DCC: variants seen among roughly 807,000 people sequenced by gnomAD.
DCC encodes netrin receptor DCC.
In DCC, 58 loss-of-function variants were observed where a neutral mutation model predicts 172.5. That is an observed-to-expected ratio of 0.34 (90% CI 0.27 to 0.42). The LOEUF (loss-of-function observed/expected upper bound fraction) is 0.42. Among genes scored for constraint, DCC ranks in the 10% least tolerant of loss-of-function variants. The pLI, the probability that DCC is intolerant of heterozygous loss-of-function variation, is 1.00. For missense variants in DCC, 1,740 were observed against 1,791.0 expected, an observed-to-expected ratio of 0.97 and a Z score of 0.51; for synonymous variants, 709 against 644.5, an observed-to-expected ratio of 1.10 and a Z score of -1.52.
Position 53,532,047 on chromosome 18 carries a change from T to C in DCC, c.*1394T>C, listed in dbSNP as rs912753649. The C allele has an allele frequency of 2.6e-5, 4 of 152,202 alleles. No individual in the cohort carries two copies. Among genetic ancestry groups the C allele is most frequent in the African/African-American group, 9.6e-5 (4 of 41,460 alleles). The allele number at this position is 152,202 out of a possible 1,614,324, so 9.4% of individuals were successfully genotyped here. ...TTCAGCTGCATTTGGAGTTAATCCCTGTTTATGCAGCTGAATCGCCAAAAG... is the reference window on the plus strand; with the variant it reads ...TTCAGCTGCATTTGGAGTTAATCCCCGTTTATGCAGCTGAATCGCCAAAAG... On this transcript the variant is annotated 3_prime_UTR_variant, in exon 29 of 29. Transcript: ENST00000442544.
Position 53,500,156 on chromosome 18 carries a change from T to C in DCC, c.4111+646T>C, listed in dbSNP as rs569076075. Among the ~76,000 whole-genome samples the C allele has an allele frequency of 1.4e-4, 21 of 152,316 alleles. 1 individual carries two copies. The highest frequency in any genetic ancestry group is 3.4e-3 in the Middle Eastern group (1 of 294). On this transcript the variant is annotated intron_variant, in intron 27 of 28. Transcript: ENST00000442544. ...CAGATTCCCAATGCAGTATTGATTT[T>C]ATTACTTCAGCTAGTATCCAAATTG...
At chr18:53,346,713 A>G (rs1032224951) in intron 15 of DCC, among the ~76,000 whole-genome samples, 4 of 152,158 alleles carry the variant, frequency 2.6e-5, no homozygotes, top group African/African-American at 9.7e-5. Context: ...GAGCATAGTT[A>G]TAAAAGTTAC....
At chr18:52,740,033 G>A (rs747971014) in intron 1 of DCC, among the ~76,000 whole-genome samples, 13 of 152,142 alleles carry the variant, frequency 8.5e-5, no homozygotes, top group Admixed American at 1.3e-4. Flanking sequence ...CTTTTAAGTA[G>A]AGGCATGCAT....
chr18:53,450,180 T>TACAC (rs144259404), intron 22 of DCC, among the ~76,000 whole-genome samples: 1 of 150,020 alleles, frequency 6.7e-6, no homozygotes, highest in Non-Finnish European at 1.5e-5. Flanking sequence ...CATACATACA[T>TACAC]ACACACACAC....
intron 12 of DCC, among the ~76,000 whole-genome samples, chr18:53,282,723 G>T (rs1194690304): frequency 6.6e-6 from 1 of 152,056 alleles, no homozygotes; most frequent in Non-Finnish European, 1.5e-5. Flanking sequence ...AGTGGGGAAT[G>T]AGCTAAAATA....
At chr18:52,931,603 G>A (rs750101019) in intron 5 of DCC, among the ~76,000 whole-genome samples, 1 of 152,002 alleles carries the variant, frequency 6.6e-6, no homozygotes, top group Non-Finnish European at 1.5e-5. Context: ...AATATAATTT[G>A]AAGCTTAGCA....
intron 12 of DCC, among the ~76,000 whole-genome samples, chr18:53,245,105 A>G (rs2056350172): frequency 6.6e-6 from 1 of 152,096 alleles, no homozygotes; most frequent in Non-Finnish European, 1.5e-5. Context: ...CCATCTTACT[A>G]TAGTCCATGC....
At chr18:52,641,077 C>T (rs1230684046) in intron 1 of DCC, among the ~76,000 whole-genome samples, 1 of 152,172 alleles carries the variant, frequency 6.6e-6, no homozygotes, top group Admixed American at 6.5e-5. Context: ...TTACAGCCAA[C>T]TGATCTTTGA....
intron 1 of DCC, among the ~76,000 whole-genome samples, chr18:52,487,876 G>C (rs1310009111): frequency 6.8e-6 from 1 of 147,644 alleles, no homozygotes; most frequent in Admixed American, 6.9e-5. Context: ...GCAGCTCCTT[G>C]ACAAATACAT....
At chr18:52,759,654 A>G (rs2037128625) in intron 2 of DCC, among the ~76,000 whole-genome samples, 2 of 152,188 alleles carry the variant, frequency 1.3e-5, no homozygotes, top group Admixed American at 1.3e-4. Context: ...TTTTTGGAAT[A>G]CAAAAATTTA....
At chr18:52,519,185 T>C (rs994024496) in intron 1 of DCC, among the ~76,000 whole-genome samples, 1 of 152,192 alleles carries the variant, frequency 6.6e-6, no homozygotes, top group African/African-American at 2.4e-5. Flanking sequence ...GCTGCCAGAT[T>C]GGGAGCAGAC....
At chr18:52,555,589 T>A (rs527934301) in intron 1 of DCC, among the ~76,000 whole-genome samples, 1 of 152,222 alleles carries the variant, frequency 6.6e-6, no homozygotes, top group South Asian at 2.1e-4. Context: ...AAGAATATAG[T>A]GAAGACTGGG....
intron 5 of DCC, among the ~76,000 whole-genome samples, chr18:52,927,854 T>G (rs2040243710): frequency 6.6e-6 from 1 of 152,090 alleles, no homozygotes; most frequent in African/African-American, 2.4e-5. Flanking sequence ...GAAAGCAGTG[T>G]GGTGATTCCT....
chr18:52,437,697 C>T (rs1987841068), intron 1 of DCC, among the ~76,000 whole-genome samples: 1 of 152,172 alleles, frequency 6.6e-6, no homozygotes. Flanking sequence ...TGACATATCA[C>T]AGGGGATTGA....
intron 5 of DCC, among the ~76,000 whole-genome samples, chr18:52,951,259 T>G (rs1255630555): frequency 6.6e-6 from 1 of 152,144 alleles, no homozygotes; most frequent in Non-Finnish European, 1.5e-5. Context: ...ATAGGGCATA[T>G]GTACTTTACA....
intron 1 of DCC, among the ~76,000 whole-genome samples, chr18:52,705,397 T>C (rs1163832492): frequency 6.6e-6 from 1 of 152,188 alleles, no homozygotes; most frequent in Non-Finnish European, 1.5e-5. Flanking sequence ...AAGTCTATGT[T>C]TGAAAGGAAG....
chr18:52,865,198 C>T (rs1363724385), intron 2 of DCC, among the ~76,000 whole-genome samples: 1 of 152,098 alleles, frequency 6.6e-6, no homozygotes, highest in East Asian at 1.9e-4. Context: ...TATAGTATTC[C>T]ATGGTATATA....
intron 5 of DCC, among the ~76,000 whole-genome samples, chr18:52,930,418 T>A (rs1267323154): frequency 6.6e-6 from 1 of 152,132 alleles, no homozygotes; most frequent in Non-Finnish European, 1.5e-5. Flanking sequence ...CATAGCAAGA[T>A]CCTGTATCTA....
intron 1 of DCC, among the ~76,000 whole-genome samples, chr18:52,496,171 A>C (rs988225302): frequency 1.3e-5 from 2 of 152,108 alleles, no homozygotes; most frequent in Non-Finnish European, 2.9e-5. Flanking sequence ...CCCATGGTTC[A>C]TTTCTCATCC....
Sources: allele counts gnomAD v4.1 joint callset (sites outside exome capture counted in the v4.1 genomes callset), GRCh38; gene constraint gnomAD v4.1.1; transcripts MANE v1.5; gene names NCBI Gene and HGNC (gene_info 2026-07-23, HGNC 2026-07-21).